The following CNTN5 variants were observed in gnomAD, a reference collection of about 807,000 sequenced individuals.
CNTN5 encodes the protein contactin-5.
Under a neutral mutation model 129.1 loss-of-function variants are expected in CNTN5, and 77 were observed. The observed-to-expected ratio is 0.60, with a 90% CI of 0.50 to 0.72. CNTN5 has a LOEUF of 0.72. CNTN5 is among the 30% of genes least tolerant of loss of function. The pLI is 0.00. For missense variants in CNTN5, 1,478 were observed against 1,328.8 expected (o/e 1.11, Z -1.75); for synonymous variants, 509 against 465.6 (o/e 1.09, Z -1.20).
intron 3 of CNTN5, among the ~76,000 whole-genome samples, chr11:99,577,385 G>C (rs535993762): frequency 2.6e-4 from 39 of 152,210 alleles, no homozygotes; most frequent in African/African-American, 8.7e-4. Context: ...AATAAATTGA[G>C]AGTACATGAC....
intron 18 of CNTN5, among the ~76,000 whole-genome samples, chr11:100,276,156 T>C (rs1209186895): frequency 2.6e-5 from 4 of 152,224 alleles, no homozygotes. Context: ...TGAACTATTC[T>C]GTCATAGAAT....
chr11:99,466,359 G>A (rs1490064759), intron 2 of CNTN5, among the ~76,000 whole-genome samples: 1 of 152,078 alleles, frequency 6.6e-6, no homozygotes, highest in Non-Finnish European at 1.5e-5. Context: ...ACCATATCAT[G>A]TACCATTCCT....
intron 3 of CNTN5, among the ~76,000 whole-genome samples, chr11:99,722,163 C>T (rs1208914821): frequency 6.6e-6 from 1 of 151,996 alleles, no homozygotes; most frequent in Admixed American, 6.6e-5. Context: ...ATCATTAATC[C>T]ATAAAGATAT....
chr11:99,120,590 A>G (rs529825344), intron 1 of CNTN5: 5 of 152,342 alleles, frequency 3.3e-5, no homozygotes, highest in Non-Finnish European at 7.4e-5. Flanking sequence ...CTTTGAAATA[A>G]TCTTTATTTT....
chr11:99,159,722 T>C (rs530592083), intron 1 of CNTN5, among the ~76,000 whole-genome samples: 5 of 152,326 alleles, frequency 3.3e-5, no homozygotes, highest in African/African-American at 1.2e-4. Context: ...CCATTAATTT[T>C]TAAAAATTCA....
At chr11:100,289,288 C>T (rs527846283) in intron 18 of CNTN5, among the ~76,000 whole-genome samples, 7 of 152,232 alleles carry the variant, frequency 4.6e-5, no homozygotes, top group Admixed American at 3.3e-4. Flanking sequence ...ATACCAAAGC[C>T]GGGCAGAGAC....
At position 99,336,311 on chromosome 11, in the gene CNTN5, T is replaced by G. The variant is rs543148422; in HGVS notation, c.-71+10827T>G. On this transcript the variant is annotated intron_variant, in intron 2 of 24. Coordinates refer to ENST00000524871, the MANE Select transcript of CNTN5 (RefSeq NM_014361.4). Reference sequence around the variant, plus strand: ...TATAATTTGTGCACTCTGAGTTGCTTGAATGGCATGGCCTCAAACGGGTAT... The same window carrying G: ...TATAATTTGTGCACTCTGAGTTGCTGGAATGGCATGGCCTCAAACGGGTAT... 3.3e-5 allele frequency among the ~76,000 whole-genome samples: 5 copies of G among 152,314 alleles called. No individual in the cohort carries two copies. The East Asian group carries it at 9.7e-4, about 29-fold the overall frequency.
intron 21 of CNTN5, among the ~76,000 whole-genome samples, chr11:100,338,627 G>A (rs562403062): frequency 1.4e-4 from 22 of 152,224 alleles, no homozygotes; most frequent in Non-Finnish European, 2.8e-4. Flanking sequence ...CCATTTACTC[G>A]GCCTGCCGCA....
At chr11:99,835,080 A>G (rs373046552) in intron 4 of CNTN5, among the ~76,000 whole-genome samples, 3 of 152,286 alleles carry the variant, frequency 2.0e-5, no homozygotes, top group African/African-American at 7.2e-5. Flanking sequence ...GTTCCCCTCC[A>G]AGGAGACTCT....
chr11:99,480,862 C>T (rs561652888), intron 2 of CNTN5, among the ~76,000 whole-genome samples: 11 of 152,214 alleles, frequency 7.2e-5, no homozygotes, highest in South Asian at 6.2e-4. Context: ...ATCTTTTACC[C>T]TACTAAGTTC....
At chr11:99,034,169 G>A (rs963549607) in intron 1 of CNTN5, among the ~76,000 whole-genome samples, 1 of 152,134 alleles carries the variant, frequency 6.6e-6, no homozygotes, top group East Asian at 1.9e-4. Context: ...GATTCGGTTT[G>A]CCAGTATTTT....
chr11:99,418,979 A>G (rs1942776106), intron 2 of CNTN5, among the ~76,000 whole-genome samples: 1 of 152,208 alleles, frequency 6.6e-6, no homozygotes, highest in Non-Finnish European at 1.5e-5. Context: ...GCAGTTTGCT[A>G]TGCCTTCTAA....
chr11:100,265,451 A>C (rs895856779), intron 17 of CNTN5, among the ~76,000 whole-genome samples: 1 of 152,104 alleles, frequency 6.6e-6, no homozygotes, highest in African/African-American at 2.4e-5. Flanking sequence ...CTGGAGCCAC[A>C]CCAGCTCCAC....
At chr11:99,130,291 A>G (rs1858866646) in intron 1 of CNTN5, among the ~76,000 whole-genome samples, 1 of 152,208 alleles carries the variant, frequency 6.6e-6, no homozygotes, top group African/African-American at 2.4e-5. Context: ...AATAGAAAGA[A>G]GAAAAAAACA....
chr11:99,767,025 T>G (rs563628811), intron 3 of CNTN5, among the ~76,000 whole-genome samples: 4 of 152,210 alleles, frequency 2.6e-5, no homozygotes, highest in African/African-American at 9.6e-5. Flanking sequence ...ATTCCTCGCC[T>G]TCTCTTGACT....
chr11:99,430,860 G>A (rs902299279), intron 2 of CNTN5, among the ~76,000 whole-genome samples: 1 of 152,016 alleles, frequency 6.6e-6, no homozygotes, highest in Non-Finnish European at 1.5e-5. Context: ...CTTATCTACC[G>A]AACTACGGTG....
chr11:100,312,601 G>A (rs1036381468), intron 21 of CNTN5, among the ~76,000 whole-genome samples: 1 of 152,000 alleles, frequency 6.6e-6, no homozygotes, highest in Non-Finnish European at 1.5e-5. Flanking sequence ...ACTGATGGTC[G>A]AATTCAGAGC....
chr11:100,299,117 TAATC>T, intron 19 of CNTN5, 41 bp from the exon 20 acceptor site: 1 of 1,270,612 alleles, frequency 7.9e-7, no homozygotes, highest in Non-Finnish European at 1.1e-6. Flanking sequence ...AGTGGATTTT[TAATC>T]AATCATTTTG....
chr11:99,785,270 G>C (rs1341049264), intron 3 of CNTN5, among the ~76,000 whole-genome samples: 1 of 151,848 alleles, frequency 6.6e-6, no homozygotes, highest in Non-Finnish European at 1.5e-5. Context: ...TTGTAAATTT[G>C]TTTATGTTCT....
Sources: allele counts gnomAD v4.1 joint callset (sites outside exome capture counted in the v4.1 genomes callset), GRCh38; gene constraint gnomAD v4.1.1; transcripts MANE v1.5; gene names NCBI Gene and HGNC (gene_info 2026-07-23, HGNC 2026-07-21).